The following SETBP1 variants were observed in gnomAD, a reference collection of about 807,000 sequenced individuals.
SETBP1 encodes the protein SET binding protein 1.
In SETBP1, 9 loss-of-function variants were observed where a neutral mutation model predicts 101.0. The ratio of observed to expected loss-of-function variants is 0.09; its 90% confidence interval spans 0.05 to 0.16. The LOEUF (loss-of-function observed/expected upper bound fraction) is 0.16, where lower values mean the gene tolerates loss of function less well. SETBP1 is among the 10% of genes least tolerant of loss of function. The probability of loss-of-function intolerance (pLI) is 1.00; values close to 1 mark genes in which losing one functional copy is unlikely to be tolerated. For synonymous variants in SETBP1, 818 were observed against 788.5 expected, an observed-to-expected ratio of 1.04 and a Z score of -0.63; for missense variants, 1,858 against 2,033.8, an observed-to-expected ratio of 0.91 and a Z score of 1.66.
intron 3 of SETBP1, among the ~76,000 whole-genome samples, chr18:44,930,823 C>G (rs554680083): frequency 6.6e-6 from 1 of 151,272 alleles, no homozygotes; most frequent in Admixed American, 6.6e-5. Context: ...TGAGTCTTCT[C>G]TCTTTTCTTC....
intron 4 of SETBP1, among the ~76,000 whole-genome samples, chr18:45,018,461 C>G (rs745730944): frequency 6.6e-6 from 1 of 152,102 alleles, no homozygotes; most frequent in Admixed American, 6.5e-5. Context: ...TCTCACTAGC[C>G]CTTTGCTGGG....
chr18:45,047,968 A>G (rs1448033252), intron 5 of SETBP1, among the ~76,000 whole-genome samples: 2 of 152,160 alleles, frequency 1.3e-5, no homozygotes, highest in Admixed American at 1.3e-4. Context: ...CTTCAATTGG[A>G]ACAGACTAGA....
chr18:44,891,074 G>A (rs1599282826), intron 3 of SETBP1, among the ~76,000 whole-genome samples: 1 of 152,172 alleles, frequency 6.6e-6, no homozygotes, highest in East Asian at 1.9e-4. Flanking sequence ...AATTATGGCA[G>A]AAGGAGCAAG....
intron 2 of SETBP1, among the ~76,000 whole-genome samples, chr18:44,795,944 T>G (rs1179617870): frequency 6.6e-6 from 1 of 152,234 alleles, no homozygotes; most frequent in African/African-American, 2.4e-5. Flanking sequence ...ATCATTTGAG[T>G]TTTCTTTCTC....
intron 4 of SETBP1, among the ~76,000 whole-genome samples, chr18:44,953,884 T>C (rs956213552): frequency 6.6e-6 from 1 of 152,206 alleles, no homozygotes; most frequent in Non-Finnish European, 1.5e-5. Context: ...TGGGCCATAT[T>C]GTTTCCATTT....
Position 44,974,843 on chromosome 18 carries a change from C to T in SETBP1, c.4000+21503C>T, listed in dbSNP as rs555648211. On this transcript the variant is annotated intron_variant, in intron 4 of 5. Coordinates refer to ENST00000649279, the MANE Select transcript of SETBP1 (RefSeq NM_015559.3). ...TTCCATTTATGTATAAAATATGCTA[C>T]ATTGAGAAAAGGGAAAGCAACAAAA... Among the ~76,000 whole-genome samples the T allele has an allele frequency of 4.6e-5, 7 of 152,210 alleles. No homozygotes were observed. In the South Asian group the frequency reaches 1.5e-3, roughly 32 times the overall value.
Position 44,950,328 on chromosome 18 carries a change from A to G in SETBP1, c.988A>G (p.Thr330Ala). ...GGTKEPPEPP[T>A]VGSKKKSSKK... Reference sequence around the variant, plus strand: ...TACAAAGGAGCCCCCAGAACCACCTACGGTGGGCAGCAAGAAAAAGTCCAG... The same window carrying G: ...TACAAAGGAGCCCCCAGAACCACCTGCGGTGGGCAGCAAGAAAAAGTCCAG... The change falls in exon 4 of 6, where the codon ACG becomes GCG. Residue 330 changes from threonine to alanine, a missense_variant. Thr to Ala is a moderately conservative substitution (Grantham distance 58). Around this residue, in one of 12 missense-constraint regions of SETBP1, gnomAD observed 581 missense variants for 535.1 expected, o/e 1.09. Transcript: ENST00000649279. 4 of 1,614,076 alleles carry G rather than the reference A, an allele frequency of 2.5e-6. No individual in the cohort carries two copies. The highest frequency in any genetic ancestry group is 3.4e-6 in the Non-Finnish European group (4 of 1,180,038).
intron 2 of SETBP1, among the ~76,000 whole-genome samples, chr18:44,846,893 C>T (rs2072735397): frequency 6.6e-6 from 1 of 152,160 alleles, no homozygotes; most frequent in African/African-American, 2.4e-5. Flanking sequence ...GGGCTGTTAC[C>T]ATCTCCCAAA....
chr18:44,780,182 G>A (rs1047130996), intron 2 of SETBP1, among the ~76,000 whole-genome samples: 1 of 152,148 alleles, frequency 6.6e-6, no homozygotes, highest in Admixed American at 6.5e-5. Flanking sequence ...TGTGTTGTAG[G>A]AGACTGTATT....
At chr18:44,891,299 C>G (rs978782313) in intron 3 of SETBP1, among the ~76,000 whole-genome samples, 1 of 152,134 alleles carries the variant, frequency 6.6e-6, no homozygotes, top group Non-Finnish European at 1.5e-5. Flanking sequence ...CAAACCATAT[C>G]AGAGGGGCAC....
At chr18:45,015,915 G>A (rs1206196858) in intron 4 of SETBP1, among the ~76,000 whole-genome samples, 6 of 152,208 alleles carry the variant, frequency 3.9e-5, no homozygotes, top group Non-Finnish European at 7.3e-5. Context: ...GATGTCACAT[G>A]TATTCAGTCC....
chr18:44,831,237 C>A (rs1484043977), intron 2 of SETBP1, among the ~76,000 whole-genome samples: 2 of 152,144 alleles, frequency 1.3e-5, no homozygotes, highest in Non-Finnish European at 2.9e-5. Context: ...GACTTGTTTT[C>A]ATGGATTATT....
Position 44,951,607 on chromosome 18 carries a change from C to T in SETBP1, c.2267C>T (p.Pro756Leu), listed in dbSNP as rs200368452. The T allele has an allele frequency of 1.6e-4, 263 of 1,614,178 alleles. No individual in the cohort carries two copies. The highest frequency in any genetic ancestry group is 2.0e-4 in the Non-Finnish European group (241 of 1,180,038). The change falls in exon 4 of 6, where the codon CCG becomes CTG. Residue 756 changes from proline (P) to leucine (L), a missense_variant. Pro to Leu is a moderately conservative substitution (Grantham distance 98). This residue lies in a region of SETBP1 where 121 missense variants were observed against 138.0 expected (regional missense o/e 0.88). Transcript: ENST00000649279. This position sits in a 1 kb window ranked among gnomAD's most constrained non-coding sequence, Gnocchi z 7.8. ...IKHPRPVSSQ[P>L]DVPAVPSNFQ... The stretch of plus-strand genomic sequence containing the variant: ...CACCCCAGGCCTGTTTCTAGCCAGC[C>T]GGATGTTCCAGCCGTGCCTTCCAAC...
At chr18:44,998,986 T>C (rs2072558930) in intron 4 of SETBP1, among the ~76,000 whole-genome samples, 1 of 152,232 alleles carries the variant, frequency 6.6e-6, no homozygotes, top group African/African-American at 2.4e-5. Flanking sequence ...CTTTATTTAT[T>C]TGGATGTAGA....
intron 4 of SETBP1, among the ~76,000 whole-genome samples, chr18:45,016,664 T>C (rs1306879237): frequency 1.3e-5 from 2 of 152,116 alleles, no homozygotes; most frequent in African/African-American, 4.8e-5. Flanking sequence ...GAATCTGGCC[T>C]GTGCTACTGA....
intron 4 of SETBP1, among the ~76,000 whole-genome samples, chr18:45,005,744 T>C (rs1334014659): frequency 6.7e-6 from 1 of 149,870 alleles, no homozygotes; most frequent in Non-Finnish European, 1.5e-5. Flanking sequence ...CCTTCCGGGT[T>C]CACGCCATTC....
intron 3 of SETBP1, among the ~76,000 whole-genome samples, chr18:44,895,809 T>C (rs2069887818): frequency 6.6e-6 from 1 of 152,096 alleles, no homozygotes; most frequent in Admixed American, 6.5e-5. Context: ...AATTAAATAT[T>C]TTGTTTTATT....
chr18:45,021,328 C>A (rs2073062395), intron 4 of SETBP1, among the ~76,000 whole-genome samples: 1 of 152,186 alleles, frequency 6.6e-6, no homozygotes, highest in South Asian at 2.1e-4. Context: ...CGGTTTAAAT[C>A]TATAATGCAT....
intron 3 of SETBP1, among the ~76,000 whole-genome samples, chr18:44,921,772 G>A (rs1185389666): frequency 6.6e-6 from 1 of 152,086 alleles, no homozygotes; most frequent in East Asian, 1.9e-4. Flanking sequence ...AGTATCGTGG[G>A]GGCCCAGGGG....
Sources: allele counts gnomAD v4.1 joint callset (sites outside exome capture counted in the v4.1 genomes callset), GRCh38; gene constraint gnomAD v4.1.1; regional missense constraint gnomAD v4.1.1; non-coding constraint Gnocchi (gnomAD v3.1); transcripts MANE v1.5; gene names NCBI Gene and HGNC (gene_info 2026-07-23, HGNC 2026-07-21).